PPME1: variants seen among roughly 807,000 people sequenced by gnomAD.
The protein encoded by PPME1 is testicular secretory protein Li 39.
PPME1 carries 17 observed loss-of-function variants against 56.9 expected under a neutral mutation model. The ratio of observed to expected loss-of-function variants is 0.30; its 90% CI spans 0.20 to 0.45. PPME1 has a LOEUF of 0.45. Ranked by LOEUF, PPME1 falls within the 20% of genes least tolerant of loss-of-function variation. PPME1 has a pLI of 1.00. For missense variants in PPME1, 357 were observed against 483.2 expected (o/e 0.74, Z 2.45); for synonymous variants, 122 against 156.2 (o/e 0.78, Z 1.63).
At chr11:74,179,365 G>A (rs529039470) in intron 1 of PPME1, among the ~76,000 whole-genome samples, 5 of 152,258 alleles carry the variant, frequency 3.3e-5, no homozygotes, top group South Asian at 4.1e-4. Flanking sequence ...ATGGTGGTGC[G>A]CACCTGTTAG....
chr11:74,230,732 G>A lies in PPME1; in HGVS notation c.554-180G>A, dbSNP rs1859044893. 1.6e-6 allele frequency: 1 copy of A among 617,984 alleles called. No individual in the cohort carries two copies. The highest frequency in any genetic ancestry group is 1.8e-5 in the African/African-American group (1 of 54,092). The allele number at this position is 617,984 out of a possible 1,614,324, so 38.3% of individuals were successfully genotyped here. A position where few individuals can be genotyped will look rare whatever the true frequency, so the allele number is the denominator to read the frequency against. On this transcript the variant is annotated intron_variant, in intron 6 of 13. Transcript: ENST00000328257. This position sits in a 1 kb window ranked among gnomAD's most constrained non-coding sequence, Gnocchi z 4.9. ...ATACAAGTCATCCTCTTCAGTGTGA[G>A]GGCATGACATAAAGAAGTGAATACC...
intron 1 of PPME1, among the ~76,000 whole-genome samples, chr11:74,184,958 A>G (rs535122278): frequency 1.4e-5 from 2 of 147,982 alleles, no homozygotes; most frequent in East Asian, 2.0e-4. Context: ...GATTGCCCTA[A>G]TGATATTTAC....
intron 1 of PPME1, among the ~76,000 whole-genome samples, chr11:74,182,593 C>T (rs1857569495): frequency 6.6e-6 from 1 of 152,126 alleles, no homozygotes. Flanking sequence ...CTCCTGACCT[C>T]AAGAGATCTG....
chr11:74,218,009 T>G (rs1239552217), intron 3 of PPME1, among the ~76,000 whole-genome samples: 1 of 152,190 alleles, frequency 6.6e-6, no homozygotes, highest in Non-Finnish European at 1.5e-5. Flanking sequence ...GCAGATGATA[T>G]GAACTTATAT....
Position 74,253,653 on chromosome 11 carries a change from C to A in PPME1, c.*143C>A. 2.3e-6 allele frequency: 2 copies of A among 879,080 alleles called. No individual in the cohort carries two copies. Among genetic ancestry groups the A allele is most frequent in the Non-Finnish European group, 3.7e-6 (2 of 540,968 alleles). 54.5% of individuals were successfully genotyped at this position (879,080 alleles called of 1,614,324 possible). ...GGTAGACGGGCACCCCGAGATGTACCAACCTTTTCATGTATTCTGCCAAAA... is the reference window on the plus strand; with the variant it reads ...GGTAGACGGGCACCCCGAGATGTACAAACCTTTTCATGTATTCTGCCAAAA... On this transcript the variant is annotated 3_prime_UTR_variant, in exon 14 of 14. Coordinates refer to ENST00000328257, the MANE Select transcript of PPME1 (RefSeq NM_016147.3).
At chr11:74,176,774 C>T (rs940241148) in intron 1 of PPME1, among the ~76,000 whole-genome samples, 10 of 146,346 alleles carry the variant, frequency 6.8e-5, no homozygotes, top group Admixed American at 1.4e-4. Flanking sequence ...TCACCGAGGC[C>T]GGATGGAGTG....
In PPME1 at chr11:74,221,608, A is replaced by C. The variant is rs370562904; in HGVS notation, c.289-704A>C. On this transcript the variant is annotated intron_variant, in intron 3 of 13. Transcript: ENST00000328257. ...ATTCATAAAATGTGACGGCTAGACT[A>C]GACAGTTCTCTTATTTTATTCTTAA... Among the ~76,000 whole-genome samples, 25 of 152,260 alleles carry C rather than the reference A, an allele frequency of 1.6e-4. 1 individual carries two copies. The East Asian group carries it at 1.9e-3, about 12-fold the overall frequency.
At chr11:74,220,694 T>C (rs1858775200) in intron 3 of PPME1, among the ~76,000 whole-genome samples, 2 of 152,196 alleles carry the variant, frequency 1.3e-5, no homozygotes, top group Non-Finnish European at 2.9e-5. Flanking sequence ...GGCACATAGA[T>C]TTAGTAGACA....
intron 7 of PPME1, among the ~76,000 whole-genome samples, chr11:74,234,980 C>T (rs1193841835): frequency 6.6e-6 from 1 of 152,084 alleles, no homozygotes; most frequent in Non-Finnish European, 1.5e-5. Context: ...GGCATCAAGG[C>T]AGAGTATATT....
chr11:74,238,154 G>A (rs1859244283), intron 8 of PPME1: 1 of 150,208 alleles, frequency 6.7e-6, no homozygotes, highest in African/African-American at 2.5e-5. Context: ...CAAAGCATAT[G>A]TTTCTTTGTT....
At chr11:74,224,957 C>G (rs1442511054) in intron 4 of PPME1, among the ~76,000 whole-genome samples, 1 of 151,954 alleles carries the variant, frequency 6.6e-6, no homozygotes, top group East Asian at 1.9e-4. Context: ...GCCTAATTGC[C>G]CTGGCCAGAA....
rs1859027663 is a variant in PPME1, at chr11:74,230,047, G to C, written c.399-198G>C. ...TAGTCCTTTACCTGCCATTTATCAG[G>C]AGAGCTAGGTGTGTGGCTACACATA... On this transcript the variant is annotated intron_variant, in intron 5 of 13. Transcript: ENST00000328257. The surrounding 1 kb of genome is among the most constrained non-coding windows in gnomAD (Gnocchi z 4.9). Among the ~76,000 whole-genome samples the C allele has an allele frequency of 6.6e-6, 1 of 152,188 alleles. No individual in the cohort carries two copies. The highest frequency in any genetic ancestry group is 2.1e-4 in the South Asian group (1 of 4,830).
In PPME1 at chr11:74,239,289, G is replaced by A. The variant is rs143308012; in HGVS notation, c.834+33G>A. 4.4e-3 allele frequency: 6,988 copies of A among 1,604,420 alleles called. 78 individuals carry two copies. Among genetic ancestry groups the A allele is most frequent in the Middle Eastern group, 0.032 (194 of 6,000 alleles). ...AAAACATTCATTCTTGAAAAGATGC[G>A]GTATGGAATGGTTCAAACTGTGTGT... On this transcript the variant is annotated intron_variant, in intron 9 of 13. Coordinates refer to ENST00000328257, the MANE Select transcript of PPME1 (RefSeq NM_016147.3).
chr11:74,202,355 G>GT (rs1858192642), intron 1 of PPME1, among the ~76,000 whole-genome samples: 1 of 152,174 alleles, frequency 6.6e-6, no homozygotes, highest in East Asian at 1.9e-4. Flanking sequence ...TTCATTGTTA[G>GT]ATTCAGAAAT....
chr11:74,234,413 T>G (rs561398835), intron 7 of PPME1, among the ~76,000 whole-genome samples: 9 of 152,298 alleles, frequency 5.9e-5, no homozygotes, highest in African/African-American at 2.2e-4. Context: ...GACTGAGTCT[T>G]GGGATATTCC....
At chr11:74,182,245 A>G (rs1857559394) in intron 1 of PPME1, among the ~76,000 whole-genome samples, 1 of 152,188 alleles carries the variant, frequency 6.6e-6, no homozygotes, top group South Asian at 2.1e-4. Context: ...ATTTTTGAGG[A>G]GAAAATGAGA....
At chr11:74,242,662 C>T (rs907872970) in intron 9 of PPME1, among the ~76,000 whole-genome samples, 2 of 151,722 alleles carry the variant, frequency 1.3e-5, no homozygotes, top group Non-Finnish European at 1.5e-5. Flanking sequence ...GGGTGGATCA[C>T]GAGGTCAGGA....
intron 7 of PPME1, chr11:74,235,667 A>T: frequency 1.9e-6 from 1 of 528,606 alleles, no homozygotes; most frequent in East Asian, 3.8e-5. Flanking sequence ...GGCACCTAGT[A>T]TCCTCTTGAT....
At chr11:74,243,750 G>A (rs941396936) in intron 9 of PPME1, among the ~76,000 whole-genome samples, 9 of 150,694 alleles carry the variant, frequency 6.0e-5, no homozygotes, top group South Asian at 4.2e-4. Context: ...CCCATCTGGC[G>A]ATCTTTTTCT....
Sources: allele counts gnomAD v4.1 joint callset (sites outside exome capture counted in the v4.1 genomes callset), GRCh38; gene constraint gnomAD v4.1.1; non-coding constraint Gnocchi (gnomAD v3.1); transcripts MANE v1.5; gene names NCBI Gene and HGNC (gene_info 2026-07-23, HGNC 2026-07-21).